WDR37: variants seen among roughly 807,000 people sequenced by gnomAD.
WDR37 encodes WD repeat domain 37.
WDR37 carries 19 observed loss-of-function variants against 62.9 expected under a neutral mutation model. The observed-to-expected ratio is 0.30, with a 90% CI of 0.21 to 0.44. WDR37 has a LOEUF of 0.44. WDR37 is among the 20% of genes least tolerant of loss of function. The pLI, the probability that WDR37 is intolerant of heterozygous loss-of-function variation, is 1.00. For missense variants in WDR37, 474 were observed against 657.6 expected, an observed-to-expected ratio of 0.72 and a Z score of 3.05; for synonymous variants, 250 against 260.9, an observed-to-expected ratio of 0.96 and a Z score of 0.40.
At position 1,123,917 on chromosome 10, in the gene WDR37, T is replaced by C. The variant is rs1274555248; in HGVS notation, c.1104-301T>C. The C allele has an allele frequency of 1.2e-5, 4 of 323,912 alleles. No homozygotes were observed. The East Asian group carries it at 2.3e-4, about 19-fold the overall frequency. The allele number at this position is 323,912 out of a possible 1,614,324, so 20.1% of individuals were successfully genotyped here. On this transcript the variant is annotated intron_variant, in intron 11 of 13. Transcript: ENST00000263150. Reference sequence around the variant, plus strand: ...ATTCTCTGCCATAGACCCAGATGTGTAGACATTTGGGCATGTTCTGTCCAA... The same window carrying C: ...ATTCTCTGCCATAGACCCAGATGTGCAGACATTTGGGCATGTTCTGTCCAA...
intron 1 of WDR37, among the ~76,000 whole-genome samples, chr10:1,062,819 G>A (rs1372916351): frequency 6.6e-6 from 1 of 152,174 alleles, no homozygotes; most frequent in Non-Finnish European, 1.5e-5. Context: ...CGGGTGCAGT[G>A]GCTCACGCCT....
chr10:1,064,645 G>C (rs966774190), intron 1 of WDR37, among the ~76,000 whole-genome samples: 2 of 135,510 alleles, frequency 1.5e-5, no homozygotes, highest in Admixed American at 1.7e-4. Context: ...ACCCAGGCTG[G>C]AGTGCAGTGG....
In WDR37 at chr10:1,129,524, T is replaced by A; in HGVS notation, c.*180T>A. Reference sequence around the variant, plus strand: ...ATGTACAGAGAAATGTGTGGTCGTATTTTTTACTTTTGTCTTGTATATGTA... The same window carrying A: ...ATGTACAGAGAAATGTGTGGTCGTAATTTTTACTTTTGTCTTGTATATGTA... On this transcript the variant is annotated 3_prime_UTR_variant, in exon 14 of 14. Transcript: ENST00000263150. 3.0e-6 allele frequency: 3 copies of A among 1,000,152 alleles called. No individual in the cohort carries two copies. Among genetic ancestry groups the A allele is most frequent in the Non-Finnish European group, 4.2e-6 (3 of 713,054 alleles). 62.0% of individuals were successfully genotyped at this position (1,000,152 alleles called of 1,614,324 possible). A position where few individuals can be genotyped will look rare whatever the true frequency, so the allele number is the denominator to read the frequency against.
intron 11 of WDR37, among the ~76,000 whole-genome samples, chr10:1,106,238 C>T (rs774997239): frequency 5.3e-5 from 8 of 152,068 alleles, no homozygotes; most frequent in East Asian, 3.9e-4. Flanking sequence ...CTCTGTTCCC[C>T]GTTCCCCCAT....
intron 8 of WDR37, among the ~76,000 whole-genome samples, chr10:1,095,773 G>A (rs893097607): frequency 6.6e-6 from 1 of 152,218 alleles, no homozygotes; most frequent in Non-Finnish European, 1.5e-5. Flanking sequence ...CCGCGTGTGT[G>A]TTGAATGGAT....
At chr10:1,079,959 C>T in intron 3 of WDR37, 52 bp from the exon 4 acceptor site, 1 of 1,525,774 alleles carries the variant, frequency 6.6e-7, no homozygotes. Flanking sequence ...GTGGTGAGTA[C>T]ACTTAAACAT....
rs183953091 is a variant in WDR37, at chr10:1,067,853, G to A, written c.-40-4263G>A. 2.0e-5 allele frequency among the ~76,000 whole-genome samples: 3 copies of A among 152,102 alleles called. No individual in the cohort carries two copies. In the East Asian group the frequency reaches 5.8e-4, roughly 29 times the overall value. Reference sequence around the variant, plus strand: ...CGGATGACTAGATAAATAAAATGTGGTGCGCACACACACACACACTCTGCA... The same window carrying A: ...CGGATGACTAGATAAATAAAATGTGATGCGCACACACACACACACTCTGCA... On this transcript the variant is annotated intron_variant, in intron 1 of 13. Coordinates refer to ENST00000263150, the MANE Select transcript of WDR37 (RefSeq NM_014023.4).
intron 13 of WDR37, among the ~76,000 whole-genome samples, chr10:1,126,202 G>A (rs892201406): frequency 1.3e-5 from 2 of 152,074 alleles, no homozygotes; most frequent in East Asian, 1.9e-4. Context: ...TCAGGAGATC[G>A]AGACCATCCT....
intron 1 of WDR37, among the ~76,000 whole-genome samples, chr10:1,059,710 T>C (rs1833312099): frequency 6.6e-6 from 1 of 151,562 alleles, no homozygotes; most frequent in Admixed American, 6.6e-5. Flanking sequence ...AGGCAGAGAA[T>C]TGGTTGAACC....
intron 11 of WDR37, among the ~76,000 whole-genome samples, chr10:1,112,208 G>A (rs1040463104): frequency 6.6e-6 from 1 of 152,108 alleles, no homozygotes; most frequent in African/African-American, 2.4e-5. Flanking sequence ...CTCACATTTT[G>A]GTCATTCTCA....
At chr10:1,063,701 C>G (rs1833445869) in intron 1 of WDR37, among the ~76,000 whole-genome samples, 1 of 152,170 alleles carries the variant, frequency 6.6e-6, no homozygotes, top group South Asian at 2.1e-4. Flanking sequence ...GGCCACCCCC[C>G]TGTGGTGTGG....
At chr10:1,126,128 G>A (rs1835738411) in intron 13 of WDR37, among the ~76,000 whole-genome samples, 1 of 152,206 alleles carries the variant, frequency 6.6e-6, no homozygotes, top group Admixed American at 6.5e-5. Context: ...GTCAGTGGCT[G>A]GTCGCAGTGG....
At chr10:1,106,140 G>T (rs1184246484) in intron 11 of WDR37, among the ~76,000 whole-genome samples, 1 of 152,126 alleles carries the variant, frequency 6.6e-6, no homozygotes, top group African/African-American at 2.4e-5. Context: ...CCTTCCCCCA[G>T]TCTGGCCCTG....
chr10:1,096,051 C>A lies in WDR37; in HGVS notation c.650-119C>A, dbSNP rs1288199004. 4.7e-6 allele frequency: 4 copies of A among 851,074 alleles called. No homozygotes were observed. In the African/African-American group the frequency reaches 5.0e-5, roughly 11 times the overall value. 52.7% of individuals were successfully genotyped at this position (851,074 alleles called of 1,614,324 possible). On this transcript the variant is annotated intron_variant, in intron 8 of 13. Coordinates refer to ENST00000263150, the MANE Select transcript of WDR37 (RefSeq NM_014023.4). ...ATTTAAGTAAAAAGTACATTCCTCT[C>A]ACTAAGTGGTCACTAAGCTGGAAAG...
intron 2 of WDR37, among the ~76,000 whole-genome samples, chr10:1,073,246 TCC>T (rs1409657364): frequency 6.6e-6 from 1 of 152,194 alleles, no homozygotes; most frequent in African/African-American, 2.4e-5. Flanking sequence ...TTACAACCAT[TCC>T]TTCACAATTA....
At chr10:1,113,567 C>T (rs187622370) in intron 11 of WDR37, among the ~76,000 whole-genome samples, 1 of 152,278 alleles carries the variant, frequency 6.6e-6, no homozygotes, top group East Asian at 1.9e-4. Flanking sequence ...ATTCTGGTCG[C>T]CATTCAGAAC....
chr10:1,089,192 T>C (rs1189352651), intron 7 of WDR37, among the ~76,000 whole-genome samples: 2 of 151,998 alleles, frequency 1.3e-5, no homozygotes, highest in Non-Finnish European at 2.9e-5. Flanking sequence ...ATGCCCAGTT[T>C]AGGTGCTGTC....
chr10:1,093,931 T>C (rs1834483562), intron 8 of WDR37, among the ~76,000 whole-genome samples: 1 of 152,242 alleles, frequency 6.6e-6, no homozygotes, highest in African/African-American at 2.4e-5. Context: ...GGGTAATTTA[T>C]CTAACCCGTG....
rs186740585 is a variant in WDR37 at position 1,107,705 on chromosome 10, C to T, written c.1103+2438C>T. Among the ~76,000 whole-genome samples the T allele has an allele frequency of 1.4e-4, 21 of 149,140 alleles. No individual in the cohort carries two copies. In the East Asian group the frequency reaches 3.6e-3, roughly 26 times the overall value. ...TCACCTAGGTTCACCTGTTGTATTG[C>T]GGCACTGCTGTCTCTCTTTACACAT... On this transcript the variant is annotated intron_variant, in intron 11 of 13. Transcript: ENST00000263150.
Sources: allele counts gnomAD v4.1 joint callset (sites outside exome capture counted in the v4.1 genomes callset), GRCh38; gene constraint gnomAD v4.1.1; transcripts MANE v1.5; gene names NCBI Gene and HGNC (gene_info 2026-07-23, HGNC 2026-07-21).